The following SECISBP2 variants were observed in gnomAD, a reference collection of about 807,000 sequenced individuals.
SECISBP2 encodes SECIS binding protein 2, also known as selenocysteine insertion sequence-binding protein 2.
A neutral mutation model predicts 98.2 loss-of-function variants in SECISBP2; 96 were observed. That is an observed-to-expected ratio of 0.98 (90% CI 0.83 to 1.16). SECISBP2 has a LOEUF of 1.16. SECISBP2 is among the 50% of genes most tolerant of loss of function. The probability of loss-of-function intolerance (pLI) is 0.00; values close to 1 mark genes in which losing one functional copy is unlikely to be tolerated. For synonymous variants in SECISBP2, 407 were observed against 370.2 expected (o/e 1.10, Z -1.14); for missense variants, 1,046 against 1,022.9 (o/e 1.02, Z -0.31).
At chr9:89,363,936 G>C (rs753815511), downstream of SECISBP2, 3 of 1,613,962 alleles carry the variant, frequency 1.9e-6, no homozygotes, top group Non-Finnish European at 1.7e-6. Flanking sequence ...CAGACAAAGC[G>C]AATGTCTGCA....
At chr9:89,362,815 C>T (rs977809842), downstream of SECISBP2, among the ~76,000 whole-genome samples, 2 of 145,580 alleles carry the variant, frequency 1.4e-5, no homozygotes, top group African/African-American at 4.9e-5. Flanking sequence ...CAGACCCCAC[C>T]GCAGGTGGTA....
In SECISBP2 at chr9:89,332,939, A is replaced by G; in HGVS notation, c.833A>G (p.Glu278Gly). 1.2e-6 allele frequency: 2 copies of G among 1,613,976 alleles called. No homozygotes were observed. Among genetic ancestry groups the G allele is most frequent in the Non-Finnish European group, 1.7e-6 (2 of 1,179,908 alleles). The change falls in exon 6 of 17, where the codon GAA (glutamate) becomes GGA (glycine). Residue 278 changes from glutamate (E) to glycine (G), a missense_variant. Physicochemically the swap from Glu to Gly is moderately conservative, Grantham distance 98. Transcript: ENST00000375807. The part of the protein sequence containing the change: ...GEIVVKNNPN[E>G]SVTANAATNS... The stretch of plus-strand genomic sequence containing the variant: ...ATAGTGGTGAAAAATAACCCAAATG[A>G]ATCTGTAACTGCTAATGCCGCTACC...
chr9:89,344,777 G>A (rs535746761), intron 10 of SECISBP2, among the ~76,000 whole-genome samples: 13 of 152,134 alleles, frequency 8.5e-5, no homozygotes, highest in African/African-American at 2.7e-4. Context: ...ACTCCAGTAG[G>A]TCTCCATTTT....
At chr9:89,356,669 A>G (rs1390650965) in intron 14 of SECISBP2, 2 of 150,318 alleles carry the variant, frequency 1.3e-5, no homozygotes, top group Non-Finnish European at 3.0e-5. Flanking sequence ...GGATCTTACT[A>G]TGTTGCGTAG....
intron 16 of SECISBP2, 68 bp downstream of exon 16, chr9:89,358,259 C>T: frequency 1.3e-6 from 2 of 1,486,092 alleles, no homozygotes; most frequent in Non-Finnish European, 1.8e-6. Flanking sequence ...ATTAGGAGTC[C>T]CTAGGTGAGC....
chr9:89,346,763 G>T, intron 10 of SECISBP2, 119 bp from the exon 11 acceptor site: 1 of 1,064,468 alleles, frequency 9.4e-7, no homozygotes, highest in Non-Finnish European at 1.4e-6. Context: ...GGACAAGCTG[G>T]GGGTGACTTG....
downstream of SECISBP2, chr9:89,364,177 C>T (rs1004894030): frequency 7.1e-6 from 6 of 848,854 alleles, no homozygotes; most frequent in Non-Finnish European, 1.1e-5. Context: ...ACCTTAATTG[C>T]CATTTTTCAA....
At chr9:89,345,672 G>A (rs1156950615) in intron 10 of SECISBP2, among the ~76,000 whole-genome samples, 1 of 152,224 alleles carries the variant, frequency 6.6e-6, no homozygotes, top group Non-Finnish European at 1.5e-5. Context: ...CCTGGCAGTG[G>A]GGTGCAGGAG....
chr9:89,358,064 G>C lies in SECISBP2; in HGVS notation c.2334G>C (p.Glu778Asp). Residue 778 changes from glutamate to aspartate, a missense_variant, in exon 16 of 17, where the codon GAG becomes GAC. Physicochemically the swap from Glu to Asp is conservative, Grantham distance 45. Transcript: ENST00000375807. ...AARQAYKTMLENVQQELVGEP... is the reference protein window; with the variant it reads ...AARQAYKTMLDNVQQELVGEP... ...GACAGGCGTACAAGACCATGCTGGA[G>C]AATGTGCAGCAGGAGCTGGTGGGAG... The C allele has an allele frequency of 1.2e-6, 2 of 1,613,838 alleles. No homozygotes were observed. Among genetic ancestry groups the C allele is most frequent in the African/African-American group, 1.3e-5 (1 of 75,062 alleles).
chr9:89,357,794 A>G (rs1242140348), intron 15 of SECISBP2, among the ~76,000 whole-genome samples: 2 of 152,144 alleles, frequency 1.3e-5, no homozygotes, highest in Admixed American at 1.3e-4. Context: ...TGCTGCTGAC[A>G]TAGTGGCACC....
chr9:89,336,640 T>C (rs745413101), intron 7 of SECISBP2, among the ~76,000 whole-genome samples: 1 of 151,852 alleles, frequency 6.6e-6, no homozygotes, highest in Non-Finnish European at 1.5e-5. Context: ...GAGAGCAGTA[T>C]GTGTAAGGGA....
chr9:89,358,043 G>A lies in SECISBP2; in HGVS notation c.2313G>A (p.Gln771=), dbSNP rs1038163879. 5 of 1,613,552 alleles carry A rather than the reference G, an allele frequency of 3.1e-6. No individual in the cohort carries two copies. Among genetic ancestry groups the A allele is most frequent in the Admixed American group, 3.3e-5 (2 of 60,006 alleles). ...TTGAGCTGACAGTGGCGGCCCGACAGGCGTACAAGACCATGCTGGAGAATG... is the reference window on the plus strand; with the variant it reads ...TTGAGCTGACAGTGGCGGCCCGACAAGCGTACAAGACCATGCTGGAGAATG... ...KMVELTVAAR[Q]AYKTMLENVQ... The change falls in exon 16 of 17, where the codon CAG becomes CAA. Residue 771 remains glutamine (Q), a synonymous_variant. Coordinates refer to ENST00000375807, the MANE Select transcript of SECISBP2 (RefSeq NM_024077.5).
chr9:89,325,098 T>TA, intron 2 of SECISBP2: 2 of 357,154 alleles, frequency 5.6e-6, no homozygotes, highest in Admixed American at 4.5e-5. Flanking sequence ...AGAATGGTCT[T>TA]TAGGGGCATT....
intron 15 of SECISBP2, 91 bp downstream of exon 15, chr9:89,357,656 C>G (rs1832298061): frequency 6.8e-7 from 1 of 1,475,880 alleles, no homozygotes; most frequent in Non-Finnish European, 9.5e-7. Flanking sequence ...CAGAGCAGCC[C>G]CAGAACCTCC....
intron 1 of SECISBP2, 159 bp downstream of exon 1, chr9:89,318,771 C>T (rs1825150430): frequency 1.6e-6 from 2 of 1,243,454 alleles, no homozygotes; most frequent in South Asian, 2.1e-5. Context: ...CTTCGCGCCC[C>T]GCCTCGGGTC....
chr9:89,326,591 C>T (rs1826744919), intron 4 of SECISBP2, among the ~76,000 whole-genome samples: 1 of 152,152 alleles, frequency 6.6e-6, no homozygotes, highest in Non-Finnish European at 1.5e-5. Context: ...ATTAAAATGC[C>T]CAGCTGCACA....
chr9:89,344,613 G>A (rs372994027), intron 10 of SECISBP2, among the ~76,000 whole-genome samples: 3 of 152,072 alleles, frequency 2.0e-5, no homozygotes, highest in African/African-American at 7.2e-5. Flanking sequence ...TTTGTTCCTC[G>A]CTTCCTCCTT....
intron 2 of SECISBP2, chr9:89,324,549 G>A (rs1227431613): frequency 6.6e-6 from 1 of 152,232 alleles, no homozygotes; most frequent in Non-Finnish European, 1.5e-5. Context: ...TTAGAAATAT[G>A]ATTTCTAGTA....
chr9:89,333,928 G>A (rs1828193614), intron 6 of SECISBP2: 2 of 628,026 alleles, frequency 3.2e-6, no homozygotes, highest in South Asian at 6.7e-5. Flanking sequence ...TCTAGTGAGG[G>A]GAACAGTCTG....
Sources: allele counts gnomAD v4.1 joint callset (sites outside exome capture counted in the v4.1 genomes callset), GRCh38; gene constraint gnomAD v4.1.1; transcripts MANE v1.5; gene names NCBI Gene and HGNC (gene_info 2026-07-23, HGNC 2026-07-21).